The following SLC35F4 variants were observed in gnomAD, a reference collection of about 807,000 sequenced individuals.
SLC35F4 encodes solute carrier family 35 member F4, also known as chromosome 14 open reading frame 36.
Under a neutral mutation model 44.2 loss-of-function variants are expected in SLC35F4, and 24 were observed. That is an observed-to-expected ratio of 0.54 (90% confidence interval 0.39 to 0.76). The LOEUF (loss-of-function observed/expected upper bound fraction) is 0.76. Ranked by LOEUF, SLC35F4 falls within the 30% of genes least tolerant of loss-of-function variation. The probability of loss-of-function intolerance (pLI) is 0.00; values close to 1 mark genes in which losing one functional copy is unlikely to be tolerated. For missense variants in SLC35F4, 562 were observed against 586.1 expected, an observed-to-expected ratio of 0.96 and a Z score of 0.42; for synonymous variants, 238 against 223.6, an observed-to-expected ratio of 1.06 and a Z score of -0.57.
chr14:57,629,270 A>G (rs990346581), intron 1 of SLC35F4, among the ~76,000 whole-genome samples: 1 of 152,128 alleles, frequency 6.6e-6, no homozygotes, highest in Non-Finnish European at 1.5e-5. Context: ...TTTGCCCCAC[A>G]TTCAAACAAT....
chr14:57,858,625 C>T (rs1887365687), intron 1 of SLC35F4, among the ~76,000 whole-genome samples: 1 of 151,206 alleles, frequency 6.6e-6, no homozygotes, highest in African/African-American at 2.4e-5. Flanking sequence ...CGCATGTATA[C>T]ATATGTAACA....
chr14:57,788,499 T>C (rs1440717088), intron 1 of SLC35F4, among the ~76,000 whole-genome samples: 2 of 152,146 alleles, frequency 1.3e-5, no homozygotes, highest in Non-Finnish European at 2.9e-5. Context: ...TTCTCCAAGA[T>C]AGACCATATG....
chr14:57,863,016 T>A (rs1489925504), intron 1 of SLC35F4, among the ~76,000 whole-genome samples: 1 of 147,356 alleles, frequency 6.8e-6, no homozygotes, highest in Non-Finnish European at 1.5e-5. Context: ...TATGCATTAA[T>A]CATCTTTTTT....
At chr14:57,849,897 C>T (rs74053369) in intron 1 of SLC35F4, among the ~76,000 whole-genome samples, 453 of 152,208 alleles carry the variant, frequency 3.0e-3, no homozygotes, top group Non-Finnish European at 5.0e-3. Flanking sequence ...ACACACACAC[C>T]CCTGAGGAAA....
At chr14:57,876,938 T>C (rs1206407201) in intron 1 of SLC35F4, among the ~76,000 whole-genome samples, 2 of 152,222 alleles carry the variant, frequency 1.3e-5, no homozygotes, top group African/African-American at 4.8e-5. Context: ...TAGTTTCCGA[T>C]AGGTCTTTTT....
intron 1 of SLC35F4, among the ~76,000 whole-genome samples, chr14:57,716,397 T>C (rs2075944889): frequency 6.6e-6 from 1 of 152,156 alleles, no homozygotes; most frequent in African/African-American, 2.4e-5. Context: ...AATCAGACCT[T>C]GGCGATGACC....
At chr14:57,942,588 C>T (rs552885607) in intron 1 of SLC35F4, among the ~76,000 whole-genome samples, 2 of 152,216 alleles carry the variant, frequency 1.3e-5, no homozygotes, top group Admixed American at 6.5e-5. Context: ...GTAGCATTTT[C>T]GGAATTTCAA....
intron 1 of SLC35F4, among the ~76,000 whole-genome samples, chr14:57,797,443 G>T (rs549571835): frequency 6.6e-6 from 1 of 152,148 alleles, no homozygotes; most frequent in African/African-American, 2.4e-5. Context: ...CCTCATCCCC[G>T]CTTTGCCCAT....
intron 1 of SLC35F4, among the ~76,000 whole-genome samples, chr14:57,951,719 C>T (rs1416646251): frequency 6.6e-6 from 1 of 152,200 alleles, no homozygotes; most frequent in African/African-American, 2.4e-5. Flanking sequence ...CTGCTATAGC[C>T]AAACTGCCTC....
chr14:57,966,515 T>C (rs1169874429), intron 1 of SLC35F4, among the ~76,000 whole-genome samples: 1 of 152,214 alleles, frequency 6.6e-6, no homozygotes, highest in Non-Finnish European at 1.5e-5. Context: ...TTGATTCTGG[T>C]TGTGAATAAA....
chr14:57,848,985 T>A (rs1438274618), intron 1 of SLC35F4, among the ~76,000 whole-genome samples: 1 of 151,956 alleles, frequency 6.6e-6, no homozygotes, highest in Non-Finnish European at 1.5e-5. Flanking sequence ...GACCCAAGAG[T>A]CTCATGTCTT....
At chr14:57,762,880 C>CA (rs1190127389) in intron 1 of SLC35F4, among the ~76,000 whole-genome samples, 4 of 151,388 alleles carry the variant, frequency 2.6e-5, no homozygotes, top group Non-Finnish European at 5.9e-5. Flanking sequence ...CTTACAGCAG[C>CA]AAAAAAAGGA....
intron 1 of SLC35F4, among the ~76,000 whole-genome samples, chr14:57,795,984 T>TG (rs1566861502): frequency 6.6e-6 from 1 of 152,270 alleles, no homozygotes; most frequent in East Asian, 1.9e-4. Flanking sequence ...TCAGTGTCAC[T>TG]TGTTTCCTTG....
chr14:57,910,426 T>C (rs531496607), intron 1 of SLC35F4, among the ~76,000 whole-genome samples: 46 of 152,176 alleles, frequency 3.0e-4, no homozygotes, highest in African/African-American at 1.0e-3. Flanking sequence ...GAGTTTTATA[T>C]TTTTGCATTT....
chr14:57,572,092 C>T, intron 4 of SLC35F4, 73 bp from the exon 5 acceptor site: 1 of 1,542,308 alleles, frequency 6.5e-7, no homozygotes, highest in East Asian at 2.4e-5. Context: ...TTCAAGACTT[C>T]CTGAAAGCTG....
chr14:57,622,633 C>T (rs1206664525), intron 1 of SLC35F4, among the ~76,000 whole-genome samples: 1 of 151,634 alleles, frequency 6.6e-6, no homozygotes, highest in Non-Finnish European at 1.5e-5. Flanking sequence ...AACACATGGA[C>T]ACAGGAAGGG....
intron 1 of SLC35F4, among the ~76,000 whole-genome samples, chr14:57,657,086 T>A (rs2073993491): frequency 6.6e-6 from 1 of 152,210 alleles, no homozygotes; most frequent in African/African-American, 2.4e-5. Flanking sequence ...AAAACACAAG[T>A]TCAGGCATCA....
intron 1 of SLC35F4, among the ~76,000 whole-genome samples, chr14:57,791,037 G>A (rs1343589196): frequency 6.6e-6 from 1 of 152,152 alleles, no homozygotes; most frequent in Non-Finnish European, 1.5e-5. Flanking sequence ...AACCCTAGAA[G>A]AAAAGCTAGG....
chr14:57,668,554 G>C (rs994298949), intron 1 of SLC35F4, among the ~76,000 whole-genome samples: 3 of 152,082 alleles, frequency 2.0e-5, no homozygotes, highest in African/African-American at 7.3e-5. Flanking sequence ...CATATGGCTA[G>C]CCAGTTTTCC....
Sources: allele counts gnomAD v4.1 joint callset (sites outside exome capture counted in the v4.1 genomes callset), GRCh38; gene constraint gnomAD v4.1.1; transcripts MANE v1.5; gene names NCBI Gene and HGNC (gene_info 2026-07-23, HGNC 2026-07-21).